The following DLG2 variants were observed in gnomAD, a reference collection of about 807,000 sequenced individuals.
DLG2 encodes disks large homolog 2.
DLG2 carries 45 observed loss-of-function variants against 132.5 expected under a neutral mutation model. The ratio of observed to expected loss-of-function variants is 0.34; its 90% CI spans 0.27 to 0.44. The LOEUF (loss-of-function observed/expected upper bound fraction) is 0.44, where lower values mean the gene tolerates loss of function less well. Ranked by LOEUF, DLG2 falls within the 20% of genes least tolerant of loss-of-function variation. DLG2 has a pLI of 1.00. For missense variants in DLG2, 1,045 were observed against 1,196.9 expected (o/e 0.87, Z 1.87); for synonymous variants, 424 against 419.6 (o/e 1.01, Z -0.13).
At chr11:84,190,232 T>A (rs528143507) in intron 8 of DLG2, among the ~76,000 whole-genome samples, 5 of 151,044 alleles carry the variant, frequency 3.3e-5, no homozygotes, top group African/African-American at 9.7e-5. Flanking sequence ...TTATTTAGAA[T>A]TCCAGATAAG....
intron 4 of DLG2, among the ~76,000 whole-genome samples, chr11:85,226,535 A>G (rs114827795): frequency 9.7e-4 from 147 of 152,272 alleles, no homozygotes; most frequent in African/African-American, 3.2e-3. Context: ...CCTGGGCAAC[A>G]GAGCAAGACC....
At chr11:84,579,141 C>T (rs951023062) in intron 6 of DLG2, among the ~76,000 whole-genome samples, 1 of 151,430 alleles carries the variant, frequency 6.6e-6, no homozygotes, top group East Asian at 1.9e-4. Flanking sequence ...TTGGGTATAT[C>T]TTTATCAGCA....
intron 3 of DLG2, among the ~76,000 whole-genome samples, chr11:85,510,550 A>G (rs2094038600): frequency 6.6e-6 from 1 of 152,172 alleles, no homozygotes; most frequent in Non-Finnish European, 1.5e-5. Context: ...ACCCCATCAA[A>G]AAGTCGGCAA....
chr11:84,634,383 A>G (rs1483254732), intron 6 of DLG2, among the ~76,000 whole-genome samples: 2 of 152,216 alleles, frequency 1.3e-5, no homozygotes, highest in African/African-American at 2.4e-5. Context: ...TTCATGCTAA[A>G]GATTTCTTCA....
At chr11:85,052,748 C>T (rs2063024031) in intron 6 of DLG2, among the ~76,000 whole-genome samples, 1 of 152,054 alleles carries the variant, frequency 6.6e-6, no homozygotes, top group Admixed American at 6.6e-5. Flanking sequence ...GCAAGCCTTC[C>T]CGTTATTTTA....
chr11:85,462,657 G>T (rs940666547), intron 3 of DLG2, among the ~76,000 whole-genome samples: 3 of 152,046 alleles, frequency 2.0e-5, no homozygotes, highest in Non-Finnish European at 4.4e-5. Context: ...GTTGTGGGGT[G>T]GGGGGAGCGG....
intron 9 of DLG2, among the ~76,000 whole-genome samples, chr11:84,108,400 CA>C (rs2154189744): frequency 6.6e-6 from 1 of 152,052 alleles, no homozygotes; most frequent in African/African-American, 2.4e-5. Context: ...ATGGTAAAGA[CA>C]GAAAAAATGG....
At chr11:83,779,407 A>G (rs2094715828) in intron 18 of DLG2, among the ~76,000 whole-genome samples, 1 of 152,224 alleles carries the variant, frequency 6.6e-6, no homozygotes, top group South Asian at 2.1e-4. Context: ...TGATACAGAA[A>G]CAATAGCAAT....
intron 5 of DLG2, among the ~76,000 whole-genome samples, chr11:85,151,492 T>C (rs1290391846): frequency 6.6e-6 from 1 of 152,144 alleles, no homozygotes; most frequent in African/African-American, 2.4e-5. Context: ...AGTTTAAATA[T>C]TACATTTTCT....
At chr11:85,415,325 T>G (rs774041949) in intron 3 of DLG2, among the ~76,000 whole-genome samples, 16 of 152,226 alleles carry the variant, frequency 1.1e-4, no homozygotes, top group Non-Finnish European at 2.1e-4. Flanking sequence ...AACATACATG[T>G]GCATGTGTCT....
At chr11:84,275,908 A>G (rs2097779445) in intron 7 of DLG2, among the ~76,000 whole-genome samples, 1 of 152,212 alleles carries the variant, frequency 6.6e-6, no homozygotes, top group Non-Finnish European at 1.5e-5. Flanking sequence ...TTGTTAGGGT[A>G]GTATTTAGTT....
chr11:84,104,448 G>A (rs1005521519), intron 9 of DLG2, among the ~76,000 whole-genome samples: 1 of 152,010 alleles, frequency 6.6e-6, no homozygotes, highest in African/African-American at 2.4e-5. Context: ...AGGGAAAAAG[G>A]TTAAAAAACT....
At chr11:84,075,816 T>G (rs577793980) in intron 10 of DLG2, among the ~76,000 whole-genome samples, 59 of 152,316 alleles carry the variant, frequency 3.9e-4, no homozygotes, top group African/African-American at 1.4e-3. Flanking sequence ...AAATTCAAAT[T>G]AATTTGTGAT....
intron 5 of DLG2, among the ~76,000 whole-genome samples, chr11:85,122,949 TTATATA>T (rs752512404): frequency 6.2e-5 from 3 of 48,166 alleles, no homozygotes; most frequent in African/African-American, 1.0e-4. Context: ...TGTATATATA[TTATATA>T]TATATATATA....
At chr11:83,974,215 C>T (rs571968148) in intron 12 of DLG2, among the ~76,000 whole-genome samples, 6 of 152,052 alleles carry the variant, frequency 3.9e-5, no homozygotes, top group South Asian at 4.2e-4. Context: ...TCTACATATT[C>T]GCAATGTCTT....
chr11:84,529,678 T>C (rs551656385), intron 7 of DLG2, among the ~76,000 whole-genome samples: 1 of 152,238 alleles, frequency 6.6e-6, no homozygotes, highest in Non-Finnish European at 1.5e-5. Context: ...TCTGTGCTCA[T>C]GGATAGGAAG....
chr11:83,490,169 C>T (rs1255210271), intron 21 of DLG2, among the ~76,000 whole-genome samples: 5 of 151,804 alleles, frequency 3.3e-5, no homozygotes, highest in South Asian at 2.1e-4. Flanking sequence ...TGAAACATTT[C>T]GTGGGGCTAG....
At chr11:83,900,006 G>A (rs895241336) in intron 15 of DLG2, among the ~76,000 whole-genome samples, 3 of 152,168 alleles carry the variant, frequency 2.0e-5, no homozygotes, top group African/African-American at 7.2e-5. Context: ...GGTCTCAGAT[G>A]GAAATGAGAA....
intron 20 of DLG2, among the ~76,000 whole-genome samples, chr11:83,537,073 A>T (rs1424770246): frequency 6.6e-6 from 1 of 152,192 alleles, no homozygotes; most frequent in East Asian, 1.9e-4. Flanking sequence ...TCAAGCAATT[A>T]ATTAGATTGT....
Sources: allele counts gnomAD v4.1 joint callset (sites outside exome capture counted in the v4.1 genomes callset), GRCh38; gene constraint gnomAD v4.1.1; transcripts MANE v1.5; gene names NCBI Gene and HGNC (gene_info 2026-07-23, HGNC 2026-07-21).